SUPT3H: variants seen among roughly 807,000 people sequenced by gnomAD.
SUPT3H encodes transcription initiation protein SPT3 homolog.
A neutral mutation model predicts 44.3 loss-of-function variants in SUPT3H; 44 were observed. That is an observed-to-expected ratio of 0.99 (90% CI 0.78 to 1.28). SUPT3H has a LOEUF of 1.28. SUPT3H is among the 50% of genes most tolerant of loss of function. The pLI is 0.00. For synonymous variants in SUPT3H, 124 were observed against 125.6 expected (o/e 0.99, Z 0.09); for missense variants, 380 against 387.1 (o/e 0.98, Z 0.15).
At chr6:44,914,420 G>T (rs1292922500) in intron 10 of SUPT3H, among the ~76,000 whole-genome samples, 4 of 152,174 alleles carry the variant, frequency 2.6e-5, no homozygotes, top group African/African-American at 7.2e-5. Flanking sequence ...ACTTTTCCCA[G>T]TATGGTTAGG....
chr6:44,927,432 TAATTAA>T (rs1399484055), intron 10 of SUPT3H, among the ~76,000 whole-genome samples: 1 of 152,204 alleles, frequency 6.6e-6, no homozygotes, highest in East Asian at 1.9e-4. Flanking sequence ...ATAAGCCCAG[TAATTAA>T]AAAATGTATC....
chr6:45,272,370 T>G (rs920569154), intron 2 of SUPT3H, among the ~76,000 whole-genome samples: 1 of 152,108 alleles, frequency 6.6e-6, no homozygotes, highest in African/African-American at 2.4e-5. Context: ...GTTCTTGTGA[T>G]AGTGAGTAAG....
At chr6:45,238,246 C>A (rs1769580231) in intron 2 of SUPT3H, among the ~76,000 whole-genome samples, 1 of 152,152 alleles carries the variant, frequency 6.6e-6, no homozygotes, top group Non-Finnish European at 1.5e-5. Context: ...CGATTTCTTG[C>A]ACTGGTTTAA....
In SUPT3H at chr6:44,953,721, CTTATT is replaced by C. The variant is rs569662937; in HGVS notation, c.694-309_694-305del. ...TTTAAGCATATAGTCTAGGAATTTG[CTTATT>C]TTATTTTATTTTATTAATTTTTGAA... is the stretch of plus-strand genomic sequence containing the variant. On this transcript the variant is annotated intron_variant, in intron 8 of 10. Coordinates refer to ENST00000371459, the MANE Select transcript of SUPT3H (RefSeq NM_003599.4). 2.2e-3 allele frequency among the ~76,000 whole-genome samples: 334 copies of C among 152,040 alleles called. 1 individual carries two copies. The highest frequency in any genetic ancestry group is 7.5e-3 in the African/African-American group (311 of 41,468).
chr6:45,374,011 T>C (rs1206716604), intron 1 of SUPT3H, among the ~76,000 whole-genome samples: 1 of 152,220 alleles, frequency 6.6e-6, no homozygotes, highest in Non-Finnish European at 1.5e-5. Flanking sequence ...CAATTCAATA[T>C]AAAAATGTTT....
intron 3 of SUPT3H, among the ~76,000 whole-genome samples, chr6:45,049,044 C>T (rs1789864835): frequency 6.6e-6 from 1 of 151,948 alleles, no homozygotes; most frequent in South Asian, 2.1e-4. Context: ...CTTCTCACTA[C>T]AAAAAAATTA....
At chr6:44,881,134 T>C (rs149620424) in intron 10 of SUPT3H, among the ~76,000 whole-genome samples, 3,075 of 152,168 alleles carry the variant, frequency 0.02, 51 homozygotes, top group Non-Finnish European at 0.03. Context: ...GTGTGGTGTA[T>C]TCAGGAGACC....
intron 6 of SUPT3H, among the ~76,000 whole-genome samples, chr6:44,994,287 A>G (rs557504842): frequency 2.6e-5 from 4 of 152,266 alleles, no homozygotes; most frequent in Admixed American, 1.3e-4. Context: ...AAAGGAGTGA[A>G]AGCATGGATG....
chr6:45,152,514 C>G (rs1807112608), intron 2 of SUPT3H, among the ~76,000 whole-genome samples: 1 of 152,116 alleles, frequency 6.6e-6, no homozygotes, highest in African/African-American at 2.4e-5. Context: ...ATTTTTGAGA[C>G]ACAGTCTCAT....
At chr6:45,076,155 T>C (rs1430205722) in intron 3 of SUPT3H, among the ~76,000 whole-genome samples, 2 of 152,162 alleles carry the variant, frequency 1.3e-5, no homozygotes, top group Non-Finnish European at 2.9e-5. Flanking sequence ...CCAAGGTGTA[T>C]AACCATACAC....
intron 3 of SUPT3H, among the ~76,000 whole-genome samples, chr6:45,051,992 T>C (rs1233640248): frequency 6.6e-6 from 1 of 152,122 alleles, no homozygotes; most frequent in Non-Finnish European, 1.5e-5. Context: ...ACTAGAAGGA[T>C]CATGCACATG....
intron 10 of SUPT3H, among the ~76,000 whole-genome samples, chr6:44,882,813 A>G (rs950150423): frequency 6.6e-6 from 1 of 152,216 alleles, no homozygotes; most frequent in Non-Finnish European, 1.5e-5. Flanking sequence ...GATGCAGAAA[A>G]GGCCTTCGAT....
intron 4 of SUPT3H, among the ~76,000 whole-genome samples, chr6:45,019,131 G>A (rs1784740390): frequency 6.6e-6 from 1 of 152,092 alleles, no homozygotes; most frequent in South Asian, 2.1e-4. Context: ...TAGTTTATTT[G>A]CGTAGAGGTG....
chr6:45,286,993 G>GA (rs755995695), intron 2 of SUPT3H, among the ~76,000 whole-genome samples: 130 of 151,998 alleles, frequency 8.6e-4, no homozygotes, highest in East Asian at 1.6e-3. Flanking sequence ...ATCACAAGGA[G>GA]AAAAAACCAA....
At chr6:45,025,727 C>CA (rs5875906) in intron 3 of SUPT3H, among the ~76,000 whole-genome samples, 17,921 of 151,832 alleles carry the variant, frequency 0.12, 1,255 homozygotes, top group African/African-American at 0.19. Flanking sequence ...ACTAAAAATA[C>CA]AAAAAATGAG....
rs112297417 is a variant in SUPT3H, at chr6:44,846,125, G to A, written c.913-16268C>T. 8.9e-3 allele frequency among the ~76,000 whole-genome samples: 1,359 copies of A among 152,212 alleles called. 13 individuals are homozygous for A. Among genetic ancestry groups the A allele is most frequent in the South Asian group, 0.025 (120 of 4,828 alleles). On this transcript the variant is annotated intron_variant, in intron 10 of 10. Coordinates refer to ENST00000371459, the MANE Select transcript of SUPT3H (RefSeq NM_003599.4). ...ATGGGCAGTGGGGCACTGAACAAGC[G>A]AGCCACACCCCCACTGCATGCCCTG... is the stretch of plus-strand genomic sequence containing the variant.
chr6:44,827,388 A>G lies in SUPT3H; in HGVS notation c.*2428T>C, dbSNP rs1475881178. Among the ~76,000 whole-genome samples the G allele has an allele frequency of 6.6e-6, 1 of 152,122 alleles. No homozygotes were observed. The highest frequency in any genetic ancestry group is 2.4e-5 in the African/African-American group (1 of 41,454). On this transcript the variant is annotated 3_prime_UTR_variant, in exon 11 of 11. Coordinates refer to ENST00000371459, the MANE Select transcript of SUPT3H (RefSeq NM_003599.4). ...AGTAATATTCTTATGCTAACCCAGT[A>G]TGGTAGAAAATACTGTATAATACCG...
intron 10 of SUPT3H, among the ~76,000 whole-genome samples, chr6:44,917,511 C>T (rs1299820220): frequency 6.6e-6 from 1 of 152,204 alleles, no homozygotes; most frequent in East Asian, 1.9e-4. Flanking sequence ...AGCAGCCCTA[C>T]ATATGCTGCG....
At chr6:45,102,435 G>C (rs1426277454) in intron 3 of SUPT3H, among the ~76,000 whole-genome samples, 2 of 152,022 alleles carry the variant, frequency 1.3e-5, no homozygotes, top group Non-Finnish European at 2.9e-5. Flanking sequence ...GTCCAGCCAA[G>C]TTACCTGCCA....
Sources: gnomAD v4.1 joint callset for allele counts (sites outside exome capture counted in the v4.1 genomes callset) on GRCh38, gnomAD v4.1.1 for gene constraint, MANE v1.5 for transcripts, NCBI Gene and HGNC (gene_info 2026-07-23, HGNC 2026-07-21) for gene names.